Variants in VCL observed in about 807,000 individuals in gnomAD.
The protein encoded by VCL is epididymis luminal protein 114.
Under a neutral mutation model 125.7 loss-of-function variants are expected in VCL, and 47 were observed. That is an observed-to-expected ratio of 0.37 (90% CI 0.30 to 0.48). VCL has a LOEUF of 0.48. VCL is among the 20% of genes least tolerant of loss of function. The pLI, the probability that VCL is intolerant of heterozygous loss-of-function variation, is 0.99. For missense variants in VCL, 1,069 were observed against 1,455.5 expected (o/e 0.73, Z 4.32); for synonymous variants, 458 against 514.6 (o/e 0.89, Z 1.49).
chr10:74,105,264 C>G lies in VCL; in HGVS notation c.2345C>G (p.Ala782Gly). The G allele has an allele frequency of 1.9e-6, 3 of 1,613,970 alleles. 1 individual carries two copies. In the South Asian group the frequency reaches 3.3e-5, roughly 18 times the overall value. ...ENSEDPKFRE[A>G]VKAASDELSK... ...TCCGAGGATCCCAAGTTCCGTGAGG[C>G]TGTGAAAGCTGCCTCTGATGAATTG... Residue 782 changes from alanine (A) to glycine (G), a missense_variant, in exon 16 of 22, where the codon GCT (alanine) becomes GGT (glycine). Coordinates refer to ENST00000211998, the MANE Select transcript of VCL (RefSeq NM_014000.3).
At chr10:74,087,270 A>G (rs1010208283) in intron 8 of VCL, among the ~76,000 whole-genome samples, 1 of 151,178 alleles carries the variant, frequency 6.6e-6, no homozygotes, top group Non-Finnish European at 1.5e-5. Flanking sequence ...CATTACCTCA[A>G]GTTTTGGTAT....
In VCL at chr10:74,097,056, G is replaced by A; in HGVS notation, c.1744-148G>A. ...AGGATTCATAAATTACACCTGTTCT[G>A]TGCTAGCTCAGTGCTTTGTACACAG... is the stretch of plus-strand genomic sequence containing the variant. On this transcript the variant is annotated intron_variant, in intron 12 of 21. Coordinates refer to ENST00000211998, the MANE Select transcript of VCL (RefSeq NM_014000.3). This position sits in a 1 kb window ranked among gnomAD's most constrained non-coding sequence, Gnocchi z 4.1. 3.5e-6 allele frequency: 4 copies of A among 1,153,116 alleles called. No individual in the cohort carries two copies. In the South Asian group the frequency reaches 3.8e-5, roughly 11 times the overall value. The allele number at this position is 1,153,116 out of a possible 1,614,324, so 71.4% of individuals were successfully genotyped here. A position where few individuals can be genotyped will look rare whatever the true frequency, so the allele number is the denominator to read the frequency against.
At position 74,117,385 on chromosome 10, in the gene VCL, C is replaced by T. The variant is rs898165679; in HGVS notation, c.3259-638C>T. On this transcript the variant is annotated intron_variant, in intron 21 of 21. Transcript: ENST00000211998. ...AAATAAGGCCAAGCGCGGTGGCTCACGCCTACTGTATGTAGTCTTAGCACT... is the reference window on the plus strand; with the variant it reads ...AAATAAGGCCAAGCGCGGTGGCTCATGCCTACTGTATGTAGTCTTAGCACT... Among the ~76,000 whole-genome samples, 4 of 152,190 alleles carry T rather than the reference C, an allele frequency of 2.6e-5. No individual in the cohort carries two copies. In the East Asian group the frequency reaches 5.8e-4, roughly 22 times the overall value.
chr10:74,084,874 A>G (rs1346852950), intron 8 of VCL, among the ~76,000 whole-genome samples: 1 of 151,618 alleles, frequency 6.6e-6, no homozygotes, highest in East Asian at 1.9e-4. Context: ...GGCCTCCCAA[A>G]GTGCTGGGAT....
At chr10:74,034,156 G>A (rs1218581514) in intron 1 of VCL, among the ~76,000 whole-genome samples, 2 of 152,186 alleles carry the variant, frequency 1.3e-5, no homozygotes, top group Admixed American at 6.5e-5. Flanking sequence ...CATTCTTGCT[G>A]CTGAATTTTT....
chr10:74,033,261 A>G (rs1176463364), intron 1 of VCL, among the ~76,000 whole-genome samples: 2 of 152,236 alleles, frequency 1.3e-5, no homozygotes, highest in African/African-American at 2.4e-5. Context: ...AGCACATCTT[A>G]TGTGATTCTA....
intron 16 of VCL, 120 bp downstream of exon 16, chr10:74,105,473 C>G: frequency 8.0e-7 from 1 of 1,242,910 alleles, no homozygotes; most frequent in Non-Finnish European, 1.2e-6. Context: ...ACTATAGACA[C>G]TTAGTTTGAG....
rs76336880 is a variant in VCL, at chr10:74,032,814, A to G, written c.169-10269A>G. On this transcript the variant is annotated intron_variant, in intron 1 of 21. Coordinates refer to ENST00000211998, the MANE Select transcript of VCL (RefSeq NM_014000.3). ...CCATAAAAAGATGCTCAGCATCATTAGCCATCAGGTCAAAACCACAATGAG... is the reference window on the plus strand; with the variant it reads ...CCATAAAAAGATGCTCAGCATCATTGGCCATCAGGTCAAAACCACAATGAG... Among the ~76,000 whole-genome samples, 1,089 of 152,180 alleles carry G rather than the reference A, an allele frequency of 7.2e-3. 13 individuals are homozygous for G. The highest frequency in any genetic ancestry group is 0.025 in the African/African-American group (1,049 of 41,538).
intron 5 of VCL, 54 bp from the exon 6 acceptor site, chr10:74,074,689 G>T (rs1839552869): frequency 1.3e-6 from 2 of 1,593,146 alleles, no homozygotes; most frequent in African/African-American, 1.4e-5. Flanking sequence ...TGTGAATATT[G>T]TTATACAACA....
chr10:74,002,905 A>G (rs928123151), intron 1 of VCL, among the ~76,000 whole-genome samples: 3 of 150,676 alleles, frequency 2.0e-5, no homozygotes, highest in Middle Eastern at 3.2e-3. Context: ...AAAGAAAGAC[A>G]TTACTTACTT....
intron 1 of VCL, among the ~76,000 whole-genome samples, chr10:74,029,845 C>A (rs1343759745): frequency 6.6e-6 from 1 of 151,910 alleles, no homozygotes; most frequent in Non-Finnish European, 1.5e-5. Context: ...GAAGGCAATA[C>A]ATAGTTGATT....
chr10:74,032,709 AATATAT>A (rs71482564), intron 1 of VCL, among the ~76,000 whole-genome samples: 14 of 138,072 alleles, frequency 1.0e-4, no homozygotes, highest in East Asian at 2.0e-4. Context: ...CAAAAAAAAA[AATATAT>A]ATATATATAT....
chr10:74,081,754 T>TA (rs1268562194), intron 6 of VCL, among the ~76,000 whole-genome samples: 1 of 152,174 alleles, frequency 6.6e-6, no homozygotes, highest in Non-Finnish European at 1.5e-5. Context: ...ATCCTGGTTG[T>TA]AAAAAATAAG....
chr10:74,106,629 T>C (rs747169663), intron 16 of VCL, among the ~76,000 whole-genome samples: 7 of 152,128 alleles, frequency 4.6e-5, no homozygotes, highest in Non-Finnish European at 8.8e-5. Flanking sequence ...AAGGAGGGGC[T>C]CCCCTATTCA....
At chr10:74,056,895 C>T (rs1841400782) in intron 2 of VCL, among the ~76,000 whole-genome samples, 1 of 152,086 alleles carries the variant, frequency 6.6e-6, no homozygotes, top group Non-Finnish European at 1.5e-5. Context: ...TCACCTATCT[C>T]CTGAGTCTTT....
intron 1 of VCL, among the ~76,000 whole-genome samples, chr10:74,010,270 G>A (rs756351246): frequency 3.9e-5 from 6 of 152,150 alleles, no homozygotes; most frequent in Non-Finnish European, 7.4e-5. Flanking sequence ...ATTAGGGAAG[G>A]AAGTTGAGAA....
At chr10:74,052,424 T>C (rs1157666108) in intron 2 of VCL, among the ~76,000 whole-genome samples, 1 of 150,242 alleles carries the variant, frequency 6.7e-6, no homozygotes, top group Admixed American at 6.7e-5. Context: ...TAGCACAAGT[T>C]GGAGTGCAGT....
chr10:74,092,066 G>C (rs1021688172), intron 10 of VCL, among the ~76,000 whole-genome samples: 2 of 151,662 alleles, frequency 1.3e-5, no homozygotes, highest in African/African-American at 4.8e-5. Flanking sequence ...ACACCACCAC[G>C]CCCAGCTAAA....
intron 1 of VCL, among the ~76,000 whole-genome samples, chr10:74,029,523 T>C (rs1451057102): frequency 6.6e-6 from 1 of 152,226 alleles, no homozygotes; most frequent in Non-Finnish European, 1.5e-5. Context: ...CTAACATTTA[T>C]GTAGCCTTAA....
Sources: allele counts gnomAD v4.1 joint callset (sites outside exome capture counted in the v4.1 genomes callset), GRCh38; gene constraint gnomAD v4.1.1; non-coding constraint Gnocchi (gnomAD v3.1); transcripts MANE v1.5; gene names NCBI Gene and HGNC (gene_info 2026-07-23, HGNC 2026-07-21).